The following SLC39A8 variants were observed in gnomAD, a reference collection of about 807,000 sequenced individuals.
The protein encoded by SLC39A8 is solute carrier family 39 member 8, also known as metal cation symporter ZIP8.
SLC39A8 carries 15 observed loss-of-function variants against 40.4 expected under a neutral mutation model. That is an observed-to-expected ratio of 0.37 (90% CI 0.25 to 0.57). The LOEUF is 0.57. SLC39A8 is among the 20% of genes least tolerant of loss of function. The pLI, the probability that SLC39A8 is intolerant of heterozygous loss-of-function variation, is 0.75. For synonymous variants in SLC39A8, 223 were observed against 221.6 expected (o/e 1.01, Z -0.06); for missense variants, 472 against 558.8 (o/e 0.84, Z 1.57).
intron 2 of SLC39A8, among the ~76,000 whole-genome samples, chr4:102,337,352 C>A (rs1735716270): frequency 6.6e-6 from 1 of 151,772 alleles, no homozygotes; most frequent in South Asian, 2.1e-4. Context: ...AAGTCCCTGC[C>A]CCTCAATATA....
rs1488357377 is a variant in SLC39A8, at chr4:102,305,166, T to C, written c.553-55A>G. 3 of 1,539,412 alleles carry C rather than the reference T, an allele frequency of 1.9e-6. No homozygotes were observed. The African/African-American group carries it at 4.2e-5, about 21-fold the overall frequency. On this transcript the variant is annotated intron_variant, in intron 4 of 8. Transcript: ENST00000356736. ...AAACCAAGAAATTTAACTTGATTTCTGGAAAATAATACCAGTATGCAATTC... is the reference window on the plus strand; with the variant it reads ...AAACCAAGAAATTTAACTTGATTTCCGGAAAATAATACCAGTATGCAATTC...
chr4:102,270,921 A>G lies in SLC39A8; in HGVS notation c.841-2842T>C, dbSNP rs1025562771. 2.6e-5 allele frequency among the ~76,000 whole-genome samples: 4 copies of G among 152,148 alleles called. 1 individual carries two copies. Among genetic ancestry groups the G allele is most frequent in the Admixed American group, 2.0e-4 (3 of 15,272 alleles). ...AAAGTACTTAGAAATTAAAATGGAG[A>G]AAACAAATGGGCTTATTGCAGAACA... On this transcript the variant is annotated intron_variant, in intron 6 of 8. Coordinates refer to ENST00000356736, the MANE Select transcript of SLC39A8 (RefSeq NM_001135146.2).
intron 6 of SLC39A8, among the ~76,000 whole-genome samples, chr4:102,296,801 A>C (rs968653898): frequency 6.6e-6 from 1 of 152,118 alleles, no homozygotes; most frequent in Non-Finnish European, 1.5e-5. Context: ...GTATCATGTT[A>C]CCAAGACCAC....
In SLC39A8 at chr4:102,321,337, G is replaced by A. The variant is rs541744470; in HGVS notation, c.220-5507C>T. ...TGATAGATGCAGGAGGCAGATAAAAGGGAGGGTCCTCGGAGAATCTCTACC... is the reference window on the plus strand; with the variant it reads ...TGATAGATGCAGGAGGCAGATAAAAAGGAGGGTCCTCGGAGAATCTCTACC... On this transcript the variant is annotated intron_variant, in intron 2 of 8. Transcript: ENST00000356736. 7.9e-5 allele frequency among the ~76,000 whole-genome samples: 12 copies of A among 152,270 alleles called. No homozygotes were observed. The South Asian group carries it at 2.3e-3, about 29-fold the overall frequency.
At position 102,262,310 on chromosome 4, in the gene SLC39A8, G is replaced by C; in HGVS notation, c.*734C>G. 1 of 985,588 alleles carries C rather than the reference G, an allele frequency of 1.0e-6. No homozygotes were observed. Among genetic ancestry groups the C allele is most frequent in the Non-Finnish European group, 1.2e-6 (1 of 829,926 alleles). 61.1% of individuals were successfully genotyped at this position (985,588 alleles called of 1,614,324 possible). A position where few individuals can be genotyped will look rare whatever the true frequency, so the allele number is the denominator to read the frequency against. ...CATACTGTTCTGCCATTTGTGAGGG[G>C]TGCAACCACAACATAAGTCAGAAAA... On this transcript the variant is annotated 3_prime_UTR_variant, in exon 9 of 9. Coordinates refer to ENST00000356736, the MANE Select transcript of SLC39A8 (RefSeq NM_001135146.2).
At position 102,344,766 on chromosome 4, in the gene SLC39A8, G is replaced by C. The variant is rs1290462291; in HGVS notation, c.-104C>G. 1 of 1,329,772 alleles carries C rather than the reference G, an allele frequency of 7.5e-7. No homozygotes were observed. The highest frequency in any genetic ancestry group is 3.1e-5 in the East Asian group (1 of 31,938). 82.4% of individuals were successfully genotyped at this position (1,329,772 alleles called of 1,614,324 possible). ...CCCAAGGGCGGGAGCGTCAGTGCTCGGCGCTGCTCCGAGTCAGAGGTGGCG... is the reference window on the plus strand; with the variant it reads ...CCCAAGGGCGGGAGCGTCAGTGCTCCGCGCTGCTCCGAGTCAGAGGTGGCG... On this transcript the variant is annotated 5_prime_UTR_variant, in exon 2 of 9. Coordinates refer to ENST00000356736, the MANE Select transcript of SLC39A8 (RefSeq NM_001135146.2).
At chr4:102,315,940 A>G (rs146299906) in intron 2 of SLC39A8, 110 bp from the exon 3 acceptor site, 343 of 849,756 alleles carry the variant, frequency 4.0e-4, no homozygotes, top group Non-Finnish European at 5.2e-4. Context: ...AGCACTCTTT[A>G]TACAAAAGCC....
intron 3 of SLC39A8, among the ~76,000 whole-genome samples, 188 bp downstream of exon 3, chr4:102,315,480 A>G (rs1473919165): frequency 2.6e-5 from 4 of 152,198 alleles, no homozygotes; most frequent in Non-Finnish European, 5.9e-5. Context: ...AGAGAAGAGC[A>G]TAACTTATGA....
At chr4:102,280,567 A>G (rs1732825713) in intron 6 of SLC39A8, among the ~76,000 whole-genome samples, 1 of 152,226 alleles carries the variant, frequency 6.6e-6, no homozygotes, top group Non-Finnish European at 1.5e-5. Context: ...AAATGTTTGT[A>G]TTTTATAGCT....
rs903194617 is a variant in SLC39A8, at chr4:102,344,776, C to G, written c.-114G>C. 8 of 1,326,502 alleles carry G rather than the reference C, an allele frequency of 6.0e-6. No individual in the cohort carries two copies. The highest frequency in any genetic ancestry group is 4.2e-5 in the Admixed American group (1 of 23,934). 82.2% of individuals were successfully genotyped at this position (1,326,502 alleles called of 1,614,324 possible). A position where few individuals can be genotyped will look rare whatever the true frequency, so the allele number is the denominator to read the frequency against. ...GGAGCGTCAGTGCTCGGCGCTGCTC[C>G]GAGTCAGAGGTGGCGCGGGACGCCC... On this transcript the variant is annotated 5_prime_UTR_variant, in exon 2 of 9. Transcript: ENST00000356736.
intron 6 of SLC39A8, among the ~76,000 whole-genome samples, chr4:102,284,068 AT>A: frequency 6.6e-6 from 1 of 152,302 alleles, no homozygotes; most frequent in East Asian, 1.9e-4. Context: ...ATCATATCAC[AT>A]TTTAATTCCC....
At chr4:102,254,135 T>C (rs149268) in intron 11 of SLC39A8, among the ~76,000 whole-genome samples, 94,429 of 152,002 alleles carry the variant, frequency 0.62, 30,551 homozygotes, top group African/African-American at 0.8. Flanking sequence ...GTTTCCTCCT[T>C]TGTGAAGTAT....
At chr4:102,251,826 G>A (rs894967926) in exon 12 of SLC39A8, 1 of 152,254 alleles carries the variant, frequency 6.6e-6, no homozygotes, top group African/African-American at 2.4e-5. Flanking sequence ...TTCCTTCTGT[G>A]ACAGGGAGGC....
downstream of SLC39A8, among the ~76,000 whole-genome samples, chr4:102,258,111 GT>G (rs761041063): frequency 1.2e-4 from 17 of 143,774 alleles, no homozygotes; most frequent in South Asian, 2.2e-4. Flanking sequence ...TTTGTTTTTT[GT>G]TTTTTTTTTT....
intron 11 of SLC39A8, among the ~76,000 whole-genome samples, chr4:102,254,913 G>A (rs2148998122): frequency 6.6e-6 from 1 of 152,264 alleles, no homozygotes; most frequent in South Asian, 2.1e-4. Context: ...GGCATCAAAT[G>A]TTAGTTACCC....
At chr4:102,298,286 T>C (rs527572464) in intron 6 of SLC39A8, among the ~76,000 whole-genome samples, 4 of 152,070 alleles carry the variant, frequency 2.6e-5, no homozygotes, top group South Asian at 4.2e-4. Context: ...TAGCAACACA[T>C]AGAGTAAAGC....
chr4:102,269,989 G>A (rs930338349), intron 6 of SLC39A8, among the ~76,000 whole-genome samples: 2 of 152,172 alleles, frequency 1.3e-5, no homozygotes, highest in Non-Finnish European at 2.9e-5. Flanking sequence ...CCCAGAGCGG[G>A]AAGCAATTAC....
At chr4:102,316,384 T>C (rs924012878) in intron 2 of SLC39A8, among the ~76,000 whole-genome samples, 1 of 152,198 alleles carries the variant, frequency 6.6e-6, no homozygotes, top group African/African-American at 2.4e-5. Flanking sequence ...CATTAAAATA[T>C]GCATTATTCT....
intron 2 of SLC39A8, among the ~76,000 whole-genome samples, chr4:102,327,993 G>A (rs1248807934): frequency 6.6e-6 from 1 of 152,110 alleles, no homozygotes; most frequent in Non-Finnish European, 1.5e-5. Context: ...TTTCTAAGTT[G>A]CCGTAAAGAA....
Sources: allele counts gnomAD v4.1 joint callset (sites outside exome capture counted in the v4.1 genomes callset), GRCh38; gene constraint gnomAD v4.1.1; transcripts MANE v1.5; gene names NCBI Gene and HGNC (gene_info 2026-07-23, HGNC 2026-07-21).